LITAF: variants seen among roughly 807,000 people sequenced by gnomAD.
LITAF encodes the protein lipopolysaccharide-induced tumor necrosis factor-alpha factor.
In LITAF, 9 loss-of-function variants were observed where a neutral mutation model predicts 14.5. The ratio of observed to expected loss-of-function variants is 0.62; its 90% CI spans 0.37 to 1.08. The LOEUF is 1.08. LITAF is among the 50% of genes least tolerant of loss of function. The pLI is 0.01. For missense variants in LITAF, 206 were observed against 213.4 expected (o/e 0.97, Z 0.22); for synonymous variants, 98 against 88.2 (o/e 1.11, Z -0.62).
At position 11,606,939 on chromosome 16, in the gene LITAF, T is replaced by C. The variant is rs115283824; in HGVS notation, c.85+26594A>G. 3.7e-3 allele frequency among the ~76,000 whole-genome samples: 559 copies of C among 152,296 alleles called. 2 individuals are homozygous for C. The highest frequency in any genetic ancestry group is 0.013 in the African/African-American group (535 of 41,566). Reference sequence around the variant, plus strand: ...CAAGCGTGAGCCACTGCGCCCGGCCTACTTCACTGTATCCTTCCAACAACC... The same window carrying C: ...CAAGCGTGAGCCACTGCGCCCGGCCCACTTCACTGTATCCTTCCAACAACC... On this transcript the variant is annotated intron_variant, in intron 3 of 3. Transcript: ENST00000574848.
At chr16:11,551,648 C>T in intron 3 of LITAF, 1 of 588,760 alleles carries the variant, frequency 1.7e-6, no homozygotes, top group Non-Finnish European at 3.0e-6. Context: ...TAGTAAAACC[C>T]CTGCTTCCAC....
intron 1 of LITAF, among the ~76,000 whole-genome samples, chr16:11,593,231 C>T (rs565284160): frequency 2.0e-5 from 3 of 151,592 alleles, no homozygotes; most frequent in East Asian, 1.9e-4. Flanking sequence ...TGGCAGATGC[C>T]TGTAAACCCA....
chr16:11,567,127 A>C (rs1229501030), intron 1 of LITAF, among the ~76,000 whole-genome samples: 1 of 152,134 alleles, frequency 6.6e-6, no homozygotes, highest in Non-Finnish European at 1.5e-5. Context: ...GGGATAAAAC[A>C]TGGGTGGACA....
At chr16:11,596,899 GA>G (rs1404826142) in intron 1 of LITAF, among the ~76,000 whole-genome samples, 1 of 151,996 alleles carries the variant, frequency 6.6e-6, no homozygotes, top group African/African-American at 2.4e-5. Flanking sequence ...CCAGGCCCTG[GA>G]ATGTAAAAGC....
At chr16:11,590,705 G>A (rs977641119), upstream of LITAF, among the ~76,000 whole-genome samples, 3 of 117,706 alleles carry the variant, frequency 2.5e-5, no homozygotes, top group Non-Finnish European at 3.4e-5. Flanking sequence ...ACTGATGTAC[G>A]GGTCCAATGT....
At chr16:11,603,209 T>C (rs1298997116), upstream of LITAF, among the ~76,000 whole-genome samples, 2 of 152,236 alleles carry the variant, frequency 1.3e-5, no homozygotes, top group African/African-American at 4.8e-5. Flanking sequence ...TATTATACAA[T>C]TCTGTACTAT....
In LITAF at chr16:11,553,754, G is replaced by A. The variant is rs988780657; in HGVS notation, c.221-65C>T. The A allele has an allele frequency of 1.3e-6, 2 of 1,574,978 alleles. No individual in the cohort carries two copies. Among genetic ancestry groups the A allele is most frequent in the Admixed American group, 1.7e-5 (1 of 59,150 alleles). ...AACAAGGCCAATAGCATTCACTACA[G>A]GACAAAGAGAGGAACGCAGGGATGC... On this transcript the variant is annotated intron_variant, in intron 2 of 3. Transcript: ENST00000622633. The surrounding 1 kb of genome is among the most constrained non-coding windows in gnomAD (Gnocchi z 7.7).
chr16:11,595,953 T>A (rs1482764533), intron 1 of LITAF, among the ~76,000 whole-genome samples: 3 of 152,062 alleles, frequency 2.0e-5, no homozygotes, highest in African/African-American at 7.2e-5. Flanking sequence ...CTGGGTTCCA[T>A]CTAGTAGTGC....
At position 11,586,075 on chromosome 16, in the gene LITAF, T is replaced by A. The variant is rs1286853901; in HGVS notation, c.-6+811A>T. On this transcript the variant is annotated intron_variant, in intron 1 of 3. Transcript: ENST00000622633. The surrounding 1 kb of genome is among the most constrained non-coding windows in gnomAD (Gnocchi z 6.5). The stretch of plus-strand genomic sequence containing the variant: ...TGCAAACCAGAGCGGGGAGGGTATT[T>A]GCCTAGCTTGGCAGGGAGGGGCGAG... 6.6e-6 allele frequency: 1 copy of A among 152,486 alleles called. No homozygotes were observed. Among genetic ancestry groups the A allele is most frequent in the Non-Finnish European group, 1.5e-5 (1 of 68,256 alleles). The allele number at this position is 152,486 out of a possible 1,614,324, so 9.4% of individuals were successfully genotyped here. A position where few individuals can be genotyped will look rare whatever the true frequency, so the allele number is the denominator to read the frequency against.
At chr16:11,614,897 C>T (rs1199556053) in intron 3 of LITAF, among the ~76,000 whole-genome samples, 3 of 152,218 alleles carry the variant, frequency 2.0e-5, no homozygotes, top group Non-Finnish European at 2.9e-5. Flanking sequence ...GCAGTTCTAA[C>T]GGCAGGGAGT....
chr16:11,559,806 G>C (rs1270691263), intron 1 of LITAF, among the ~76,000 whole-genome samples: 1 of 148,138 alleles, frequency 6.8e-6, no homozygotes, highest in African/African-American at 2.5e-5. Context: ...ATCAGCCTGA[G>C]CAACATAGGG....
intron 3 of LITAF, among the ~76,000 whole-genome samples, chr16:11,628,022 A>AC (rs1305170734): frequency 0.034 from 5,052 of 150,330 alleles, 342 homozygotes; most frequent in African/African-American, 0.12. Flanking sequence ...AAAAAAAAAA[A>AC]AAAAAAAAAA....
At chr16:11,585,139 G>A (rs1488170669) in intron 1 of LITAF, among the ~76,000 whole-genome samples, 2 of 151,890 alleles carry the variant, frequency 1.3e-5, no homozygotes, top group East Asian at 3.9e-4. Flanking sequence ...ACTCAGGCAG[G>A]GGGTTGAGGT....
chr16:11,563,451 G>A (rs1438228161), intron 1 of LITAF, among the ~76,000 whole-genome samples: 1 of 152,100 alleles, frequency 6.6e-6, no homozygotes, highest in Non-Finnish European at 1.5e-5. Flanking sequence ...CGCCTGGCCA[G>A]AAATTATTAA....
chr16:11,578,135 G>C (rs959101206), intron 1 of LITAF, among the ~76,000 whole-genome samples: 1 of 152,066 alleles, frequency 6.6e-6, no homozygotes, highest in Non-Finnish European at 1.5e-5. Flanking sequence ...GTGGGTTCAA[G>C]TAATCCACCC....
In LITAF at chr16:11,556,511, T is replaced by A; in HGVS notation, c.220A>T (p.Ile74Phe). ...GGGGGGCCTGGGAGGCCACACGTAC[T>A]TGGATTGTTATTGGGGATGGGCGCT... ...QPAPIPNNNP[I>F]TVQTVYVQHP... The change falls in exon 2 of 4, where the codon ATT becomes TTT. Residue 74 changes from isoleucine (I) to phenylalanine (F), a missense_variant and splice_region_variant. Coordinates refer to ENST00000622633, the MANE Select transcript of LITAF (RefSeq NM_001136472.2). 1.2e-6 allele frequency: 2 copies of A among 1,612,832 alleles called. No homozygotes were observed. The highest frequency in any genetic ancestry group is 1.7e-6 in the Non-Finnish European group (2 of 1,178,952).
Position 11,605,090 on chromosome 16 carries a change from G to T in LITAF, c.85+28443C>A, listed in dbSNP as rs915428119. 6.6e-6 allele frequency among the ~76,000 whole-genome samples: 1 copy of T among 152,188 alleles called. No homozygotes were observed. Among genetic ancestry groups the T allele is most frequent in the Non-Finnish European group, 1.5e-5 (1 of 68,026 alleles). On this transcript the variant is annotated intron_variant, in intron 3 of 3. Coordinates refer to the LITAF transcript ENST00000574848. This position sits in a 1 kb window ranked among gnomAD's most constrained non-coding sequence, Gnocchi z 4.7. Reference sequence around the variant, plus strand: ...GGGCACTTGAATGGGTCCCTCACCCGTGTGCAGGCCCTCAGGGCTCCCAGG... The same window carrying T: ...GGGCACTTGAATGGGTCCCTCACCCTTGTGCAGGCCCTCAGGGCTCCCAGG...
intron 1 of LITAF, among the ~76,000 whole-genome samples, chr16:11,592,830 G>A (rs988578114): frequency 6.6e-6 from 1 of 152,044 alleles, no homozygotes; most frequent in African/African-American, 2.4e-5. Flanking sequence ...GAGGTCAGGA[G>A]TTTGAGACCA....
At chr16:11,566,606 A>G (rs1029541013) in intron 1 of LITAF, among the ~76,000 whole-genome samples, 5 of 152,110 alleles carry the variant, frequency 3.3e-5, no homozygotes, top group African/African-American at 1.2e-4. Flanking sequence ...TCTACTAACA[A>G]TCAAACAAAT....
Sources: gnomAD v4.1 joint callset for allele counts (sites outside exome capture counted in the v4.1 genomes callset) on GRCh38, gnomAD v4.1.1 for gene constraint, Gnocchi (gnomAD v3.1) non-coding constraint, MANE v1.5 for transcripts, NCBI Gene and HGNC (gene_info 2026-07-23, HGNC 2026-07-21) for gene names.